KCNH8: variants seen among roughly 807,000 people sequenced by gnomAD.
KCNH8 encodes voltage-gated delayed rectifier potassium channel KCNH8.
In KCNH8, 70 loss-of-function variants were observed where a neutral mutation model predicts 103.6. The observed-to-expected ratio is 0.68, with a 90% confidence interval of 0.56 to 0.82. KCNH8 has a LOEUF of 0.82. KCNH8 is among the 40% of genes least tolerant of loss of function. KCNH8 has a pLI of 0.00. For missense variants in KCNH8, 1,217 were observed against 1,329.9 expected, an observed-to-expected ratio of 0.92 and a Z score of 1.32; for synonymous variants, 498 against 489.4, an observed-to-expected ratio of 1.02 and a Z score of -0.23.
chr3:19,265,980 A>C (rs1294459833), intron 2 of KCNH8, among the ~76,000 whole-genome samples: 3 of 151,954 alleles, frequency 2.0e-5, no homozygotes, highest in Non-Finnish European at 2.9e-5. Flanking sequence ...ACAATAACTC[A>C]TCTCAATCTG....
chr3:19,520,515 C>CTATT (rs1485016761), intron 15 of KCNH8, among the ~76,000 whole-genome samples: 10 of 151,876 alleles, frequency 6.6e-5, no homozygotes, highest in Non-Finnish European at 1.5e-4. Context: ...CTCTTCTAAC[C>CTATT]TATTTTTCTC....
intron 1 of KCNH8, among the ~76,000 whole-genome samples, chr3:19,246,957 C>T (rs758494397): frequency 1.3e-5 from 2 of 152,172 alleles, no homozygotes; most frequent in African/African-American, 4.8e-5. Flanking sequence ...AAGATAGTCT[C>T]ATAAACAGAT....
intron 5 of KCNH8, among the ~76,000 whole-genome samples, chr3:19,358,590 G>C (rs2065910424): frequency 1.3e-5 from 2 of 151,814 alleles, no homozygotes; most frequent in African/African-American, 4.8e-5. Flanking sequence ...TGTTTCAATG[G>C]ACTAAATAAA....
chr3:19,175,287 TCTCGG>T (rs1163758252), intron 1 of KCNH8, among the ~76,000 whole-genome samples: 2 of 150,910 alleles, frequency 1.3e-5, no homozygotes, highest in Admixed American at 6.6e-5. Context: ...AGTGGCGCGA[TCTCGG>T]CTCCCTGCAA....
intron 2 of KCNH8, among the ~76,000 whole-genome samples, chr3:19,278,261 CT>C (rs2064703407): frequency 6.6e-6 from 1 of 151,906 alleles, no homozygotes; most frequent in Non-Finnish European, 1.5e-5. Flanking sequence ...CATCTATTAT[CT>C]TTCTAGAAGA....
At chr3:19,172,183 A>G (rs2063354813) in intron 1 of KCNH8, among the ~76,000 whole-genome samples, 2 of 152,304 alleles carry the variant, frequency 1.3e-5, no homozygotes, top group South Asian at 2.1e-4. Context: ...GCTACCTCTT[A>G]GTATCTAGGT....
chr3:19,425,976 CAG>C (rs1226669490), intron 7 of KCNH8, among the ~76,000 whole-genome samples: 1 of 152,112 alleles, frequency 6.6e-6, no homozygotes, highest in Non-Finnish European at 1.5e-5. Context: ...GGAGAAGCAA[CAG>C]AGGCAGATTT....
At chr3:19,187,845 A>C (rs536713561) in intron 1 of KCNH8, among the ~76,000 whole-genome samples, 1 of 152,066 alleles carries the variant, frequency 6.6e-6, no homozygotes, top group Non-Finnish European at 1.5e-5. Flanking sequence ...ATCAGCCCTC[A>C]TCTACTTGTT....
chr3:19,194,144 G>A (rs76411391), intron 1 of KCNH8, among the ~76,000 whole-genome samples: 9,529 of 151,420 alleles, frequency 0.063, 1,055 homozygotes, highest in African/African-American at 0.22. Flanking sequence ...AAATTCTGCT[G>A]GAGAAATTGC....
intron 1 of KCNH8, among the ~76,000 whole-genome samples, chr3:19,218,115 A>C (rs1370037129): frequency 6.6e-6 from 1 of 152,232 alleles, no homozygotes; most frequent in Non-Finnish European, 1.5e-5. Context: ...AATTCTACTC[A>C]GCACAAATAG....
chr3:19,480,856 G>C (rs2068073371), intron 11 of KCNH8, among the ~76,000 whole-genome samples: 1 of 152,170 alleles, frequency 6.6e-6, no homozygotes, highest in Non-Finnish European at 1.5e-5. Flanking sequence ...TCCAATTTAA[G>C]AGTCCTCCCT....
intron 5 of KCNH8, among the ~76,000 whole-genome samples, chr3:19,367,353 AC>A (rs1393048737): frequency 6.8e-6 from 1 of 146,684 alleles, no homozygotes; most frequent in African/African-American, 2.5e-5. Context: ...CCATTCTTTA[AC>A]CCCGTATTAT....
intron 11 of KCNH8, among the ~76,000 whole-genome samples, chr3:19,502,800 G>A (rs1305478674): frequency 1.7e-4 from 22 of 126,652 alleles, no homozygotes; most frequent in East Asian, 4.9e-4. Context: ...AGACTTAAAC[G>A]TTAGACCTAA....
At chr3:19,380,559 T>G (rs564194397) in intron 5 of KCNH8, among the ~76,000 whole-genome samples, 1 of 152,356 alleles carries the variant, frequency 6.6e-6, no homozygotes, top group South Asian at 2.1e-4. Context: ...CACAGTGAAA[T>G]TCTTGGCTCT....
At chr3:19,183,055 T>C (rs79734164) in intron 1 of KCNH8, among the ~76,000 whole-genome samples, 6,293 of 152,192 alleles carry the variant, frequency 0.041, 468 homozygotes, top group African/African-American at 0.14. Context: ...TGATTAAAGG[T>C]GTTTATCTAA....
intron 7 of KCNH8, among the ~76,000 whole-genome samples, chr3:19,412,674 TAAAC>T (rs1000964811): frequency 1.3e-5 from 2 of 151,674 alleles, no homozygotes; most frequent in African/African-American, 4.8e-5. Context: ...GTAAGAAAGT[TAAAC>T]AATTCAACAA....
At chr3:19,345,427 T>A (rs539007144) in intron 4 of KCNH8, among the ~76,000 whole-genome samples, 1 of 152,204 alleles carries the variant, frequency 6.6e-6, no homozygotes, top group Admixed American at 6.6e-5. Flanking sequence ...AATTAGGCAC[T>A]GGAGTTAACT....
In KCNH8 at chr3:19,281,263, T is replaced by C. The variant is rs1410908671; in HGVS notation, c.376T>C (p.Phe126Leu). The C allele has an allele frequency of 1.9e-6, 3 of 1,611,946 alleles. No individual in the cohort carries two copies. Among genetic ancestry groups the C allele is most frequent in the Non-Finnish European group, 2.5e-6 (3 of 1,178,538 alleles). ...GAATGAAAAAGGAGATGTAGTACTT[T>C]TTCTGGCCTCGTTCAAAGATATAAC... Reference protein sequence around the residue: ...IKNEKGDVVLFLASFKDITDT... With the variant: ...IKNEKGDVVLLLASFKDITDT... Residue 126 changes from phenylalanine to leucine, a missense_variant, in exon 3 of 16, where the codon TTT becomes CTT. By Grantham distance (22) the Phe-to-Leu change is conservative (BLOSUM62 0). This residue lies in a region of KCNH8 where 244 missense variants were observed against 256.8 expected (regional missense o/e 0.95). Coordinates refer to ENST00000328405, the MANE Select transcript of KCNH8 (RefSeq NM_144633.3).
chr3:19,184,473 A>G (rs866090200), intron 1 of KCNH8, among the ~76,000 whole-genome samples: 1 of 152,116 alleles, frequency 6.6e-6, no homozygotes, highest in South Asian at 2.1e-4. Flanking sequence ...TGTATATGTA[A>G]TTTTTCTAAT....
Sources: gnomAD v4.1 joint callset for allele counts (sites outside exome capture counted in the v4.1 genomes callset) on GRCh38, gnomAD v4.1.1 for gene constraint, gnomAD v4.1.1 regional missense constraint, MANE v1.5 for transcripts, NCBI Gene and HGNC (gene_info 2026-07-23, HGNC 2026-07-21) for gene names.